The following SLC14A2 variants were observed in gnomAD, a reference collection of about 807,000 sequenced individuals.
The protein encoded by SLC14A2 is solute carrier family 14 member 2, also known as urea transporter 2.
In SLC14A2, 91 loss-of-function variants were observed where a neutral mutation model predicts 104.6. That is an observed-to-expected ratio of 0.87 (90% CI 0.73 to 1.04). SLC14A2 has a LOEUF of 1.04. SLC14A2 is among the 50% of genes least tolerant of loss of function. The pLI is 0.00. For missense variants in SLC14A2, 1,189 were observed against 1,156.0 expected (o/e 1.03, Z -0.41); for synonymous variants, 476 against 466.4 (o/e 1.02, Z -0.27).
rs117311284 is a variant in SLC14A2, at chr18:45,260,629, A to T, written c.-125+47438A>T. 9.7e-3 allele frequency among the ~76,000 whole-genome samples: 1,480 copies of T among 152,348 alleles called. 12 individuals are homozygous for T. The highest frequency in any genetic ancestry group is 0.016 in the Non-Finnish European group (1,078 of 68,032). On this transcript the variant is annotated intron_variant, in intron 1 of 20. Coordinates refer to the SLC14A2 transcript ENST00000586448. ...ATATACAATGGCATACTACTCAGCC[A>T]TAAAAAATAATGAAATCATGTCCTT...
At chr18:45,232,952 G>T (rs2084189280) in intron 1 of SLC14A2, among the ~76,000 whole-genome samples, 1 of 152,226 alleles carries the variant, frequency 6.6e-6, no homozygotes, top group African/African-American at 2.4e-5. Context: ...GGTATAGGTT[G>T]ACTTCTTGCA....
At chr18:45,444,140 A>G (rs918237) in intron 1 of SLC14A2, among the ~76,000 whole-genome samples, 36,511 of 152,190 alleles carry the variant, frequency 0.24, 4,604 homozygotes, top group South Asian at 0.41. Context: ...CTGAAGGCAG[A>G]CTTTTGTGCG....
At chr18:45,641,883 G>A (rs1007408333) in intron 8 of SLC14A2, among the ~76,000 whole-genome samples, 6 of 152,214 alleles carry the variant, frequency 3.9e-5, no homozygotes, top group African/African-American at 1.4e-4. Flanking sequence ...CAGAGAATAT[G>A]CTGCCAGAAG....
intron 6 of SLC14A2, among the ~76,000 whole-genome samples, chr18:45,637,388 A>G (rs935134869): frequency 2.0e-5 from 3 of 152,194 alleles, no homozygotes; most frequent in African/African-American, 7.2e-5. Context: ...TGGCCTGGAC[A>G]CTTTTTCAGA....
At chr18:45,592,314 T>A (rs1313450447) in intron 2 of SLC14A2, among the ~76,000 whole-genome samples, 4 of 152,190 alleles carry the variant, frequency 2.6e-5, no homozygotes, top group African/African-American at 9.7e-5. Context: ...GAAGCCTATA[T>A]AATAAATAAA....
chr18:45,187,045 T>C, the SLC14A2 span, among the ~76,000 whole-genome samples: 1 of 152,154 alleles, frequency 6.6e-6, no homozygotes, highest in East Asian at 1.9e-4. Context: ...TTTCAGAAAT[T>C]ACTGTTGCCC....
intron 1 of SLC14A2, among the ~76,000 whole-genome samples, chr18:45,428,867 A>G (rs996207865): frequency 6.6e-6 from 1 of 152,228 alleles, no homozygotes; most frequent in African/African-American, 2.4e-5. Context: ...ATTGTTTTTG[A>G]TAAGTCCCCA....
intron 16 of SLC14A2, among the ~76,000 whole-genome samples, chr18:45,669,860 G>A (rs565728382): frequency 2.0e-5 from 3 of 152,232 alleles, no homozygotes; most frequent in Admixed American, 2.0e-4. Context: ...TACAGCTTGC[G>A]TTGTGCATTT....
intron 2 of SLC14A2, among the ~76,000 whole-genome samples, chr18:45,580,526 C>T (rs2044474938): frequency 1.3e-5 from 2 of 152,108 alleles, no homozygotes; most frequent in African/African-American, 4.8e-5. Context: ...GAAAACAGTG[C>T]CTAGCCATCA....
intron 1 of SLC14A2, among the ~76,000 whole-genome samples, chr18:45,250,901 A>T (rs1419557249): frequency 6.6e-6 from 1 of 152,036 alleles, no homozygotes; most frequent in Non-Finnish European, 1.5e-5. Flanking sequence ...AGTTAACTGG[A>T]AAAGTGTGTA....
At chr18:45,567,055 A>AGTGTGTGT (rs3058364) in intron 2 of SLC14A2, among the ~76,000 whole-genome samples, 5,469 of 139,792 alleles carry the variant, frequency 0.039, 204 homozygotes, top group East Asian at 0.11. Context: ...ATGTGCACAT[A>AGTGTGTGT]GTGTGTGTGT....
chr18:45,459,627 C>T (rs994983236), intron 1 of SLC14A2, among the ~76,000 whole-genome samples: 1 of 152,210 alleles, frequency 6.6e-6, no homozygotes, highest in Non-Finnish European at 1.5e-5. Context: ...CCCGGGGCCT[C>T]GCCCAGTTCC....
chr18:45,354,057 G>A (rs2085527893), intron 1 of SLC14A2, among the ~76,000 whole-genome samples: 1 of 152,150 alleles, frequency 6.6e-6, no homozygotes, highest in African/African-American at 2.4e-5. Context: ...AAATATTGAA[G>A]GTGCTGGAGG....
chr18:45,491,176 T>C (rs2042992448), intron 2 of SLC14A2, among the ~76,000 whole-genome samples: 1 of 152,204 alleles, frequency 6.6e-6, no homozygotes, highest in African/African-American at 2.4e-5. Flanking sequence ...ATTGCATTAT[T>C]TACAATATTG....
At chr18:45,478,422 T>G (rs1044450810) in intron 1 of SLC14A2, among the ~76,000 whole-genome samples, 2 of 152,236 alleles carry the variant, frequency 1.3e-5, no homozygotes, top group African/African-American at 4.8e-5. Flanking sequence ...TGGAGCTGTT[T>G]CTATGCAGCC....
chr18:45,482,968 A>T (rs908670358), intron 1 of SLC14A2, among the ~76,000 whole-genome samples: 18 of 152,350 alleles, frequency 1.2e-4, no homozygotes, highest in African/African-American at 4.1e-4. Context: ...CCTGTTTTGT[A>T]AACTAAGACC....
intron 2 of SLC14A2, among the ~76,000 whole-genome samples, chr18:45,558,824 C>A (rs1413719256): frequency 6.6e-6 from 1 of 151,758 alleles, no homozygotes; most frequent in Non-Finnish European, 1.5e-5. Flanking sequence ...CGGAGTCTCA[C>A]TCTGTCGCCA....
intron 18 of SLC14A2, among the ~76,000 whole-genome samples, chr18:45,676,276 A>C (rs532122366): frequency 6.6e-6 from 1 of 152,346 alleles, no homozygotes; most frequent in South Asian, 2.1e-4. Flanking sequence ...TTAGTGGCCC[A>C]TGACTTCCAC....
intron 10 of SLC14A2, chr18:45,647,817 GATT>G (rs1238723193): frequency 5.9e-5 from 9 of 151,988 alleles, no homozygotes; most frequent in African/African-American, 2.2e-4. Context: ...AGTTTTATTG[GATT>G]ATGAGCAGAA....
Sources: allele counts gnomAD v4.1 joint callset (sites outside exome capture counted in the v4.1 genomes callset), GRCh38; gene constraint gnomAD v4.1.1; transcripts MANE v1.5; gene names NCBI Gene and HGNC (gene_info 2026-07-23, HGNC 2026-07-21).